The following PDCL2 variants were observed in gnomAD, a reference collection of about 807,000 sequenced individuals.
PDCL2 encodes the protein phosducin-like protein 2.
A neutral mutation model predicts 30.3 loss-of-function variants in PDCL2; 23 were observed. The observed-to-expected ratio is 0.76, with a 90% confidence interval of 0.55 to 1.08. PDCL2 has a LOEUF of 1.08. PDCL2 is among the 50% of genes least tolerant of loss of function. The pLI, the probability that PDCL2 is intolerant of heterozygous loss-of-function variation, is 0.00. For missense variants in PDCL2, 243 were observed against 282.3 expected (o/e 0.86, Z 1.00); for synonymous variants, 68 against 86.2 (o/e 0.79, Z 1.17).
intron 1 of PDCL2, among the ~76,000 whole-genome samples, chr4:55,583,672 C>T (rs1732785706): frequency 6.6e-6 from 1 of 152,172 alleles, no homozygotes; most frequent in African/African-American, 2.4e-5. Flanking sequence ...ATTGAAGAGA[C>T]TGTCCTTTTC....
chr4:55,573,126 C>G (rs561496893), intron 3 of PDCL2, among the ~76,000 whole-genome samples: 13 of 152,116 alleles, frequency 8.5e-5, no homozygotes, highest in Non-Finnish European at 1.6e-4. Context: ...AAATCATATT[C>G]TTTACCTTTA....
chr4:55,583,031 A>G (rs2412661), intron 1 of PDCL2, among the ~76,000 whole-genome samples: 114,754 of 151,934 alleles, frequency 0.76, 43,739 homozygotes, highest in East Asian at 0.9. Context: ...GCTGGAATGC[A>G]GTGGCACAAT....
intron 1 of PDCL2, among the ~76,000 whole-genome samples, chr4:55,584,373 C>T (rs1349197594): frequency 6.6e-6 from 1 of 152,100 alleles, no homozygotes; most frequent in Non-Finnish European, 1.5e-5. Flanking sequence ...TCTCCTGCCT[C>T]AGCCTCCCGA....
At chr4:55,584,514 C>T (rs1732811624) in intron 1 of PDCL2, among the ~76,000 whole-genome samples, 1 of 152,152 alleles carries the variant, frequency 6.6e-6, no homozygotes. Flanking sequence ...ATCTCGGCCT[C>T]TCAAAGTGCT....
intron 4 of PDCL2, among the ~76,000 whole-genome samples, chr4:55,565,987 T>G (rs893372317): frequency 2.9e-5 from 4 of 136,000 alleles, no homozygotes; most frequent in Non-Finnish European, 4.7e-5. Context: ...TTTTTTTTTT[T>G]TTTTTTTTTT....
intron 4 of PDCL2, among the ~76,000 whole-genome samples, chr4:55,565,973 GTTT>G (rs71194595): frequency 3.0e-3 from 225 of 74,458 alleles, no homozygotes; most frequent in African/African-American, 7.8e-3. Flanking sequence ...CCATTTTTCT[GTTT>G]TTTTTTTTTT....
At chr4:55,578,569 T>A (rs958129394) in intron 3 of PDCL2, among the ~76,000 whole-genome samples, 1 of 152,052 alleles carries the variant, frequency 6.6e-6, no homozygotes, top group Admixed American at 6.5e-5. Context: ...TCTGCTATTT[T>A]CCCTGATGTG....
chr4:55,579,640 G>A (rs1474052313), intron 3 of PDCL2, among the ~76,000 whole-genome samples: 2 of 152,164 alleles, frequency 1.3e-5, no homozygotes, highest in Non-Finnish European at 2.9e-5. Flanking sequence ...AGTGCTATAT[G>A]TGCTCATTGC....
Position 55,580,880 on chromosome 4 carries a change from C to T in PDCL2, c.159G>A (p.Gln53=), listed in dbSNP as rs760428496. 11 of 1,610,408 alleles carry T rather than the reference C, an allele frequency of 6.8e-6. No homozygotes were observed. The African/African-American group carries it at 9.4e-5, about 14-fold the overall frequency. ...CAAATTCATCTTCAGCTTCCTTTAG[C>T]TGTGCAAGAGTCATCTTTTCAAATG... ...VKPFEKMTLA[Q]LKEAEDEFDE... is the part of the protein sequence containing the mutation. Residue 53 remains glutamine (Q), a synonymous_variant, in exon 3 of 6, where the codon CAG becomes CAA. Coordinates refer to ENST00000295645, the MANE Select transcript of PDCL2 (RefSeq NM_152401.3).
intron 4 of PDCL2, among the ~76,000 whole-genome samples, chr4:55,569,249 A>G (rs1027275790): frequency 5.9e-5 from 9 of 151,928 alleles, no homozygotes; most frequent in Admixed American, 2.6e-4. Flanking sequence ...TATGTTTTGA[A>G]GGTGCATGCT....
intron 1 of PDCL2, among the ~76,000 whole-genome samples, chr4:55,584,477 G>C (rs1031049184): frequency 7.9e-5 from 12 of 152,002 alleles, no homozygotes; most frequent in Non-Finnish European, 4.4e-5. Flanking sequence ...GGCTGGTCTC[G>C]AACTCCTGGC....
chr4:55,571,414 G>A (rs759560803), intron 3 of PDCL2, among the ~76,000 whole-genome samples: 1 of 151,060 alleles, frequency 6.6e-6, no homozygotes, highest in Non-Finnish European at 1.5e-5. Flanking sequence ...TTAGCTGGGC[G>A]CAGTGGCTCA....
At chr4:55,571,252 A>G (rs924860192) in intron 3 of PDCL2, among the ~76,000 whole-genome samples, 4 of 152,038 alleles carry the variant, frequency 2.6e-5, no homozygotes, top group African/African-American at 9.7e-5. Context: ...CTTCTGATCA[A>G]TTCAGGTGCT....
intron 3 of PDCL2, among the ~76,000 whole-genome samples, chr4:55,575,724 T>G (rs893506797): frequency 6.6e-6 from 1 of 152,146 alleles, no homozygotes; most frequent in African/African-American, 2.4e-5. Flanking sequence ...TATCAGCCAG[T>G]TTCTCAGCAG....
intron 5 of PDCL2, among the ~76,000 whole-genome samples, chr4:55,558,235 C>A (rs1363152471): frequency 6.6e-6 from 1 of 152,044 alleles, no homozygotes; most frequent in Non-Finnish European, 1.5e-5. Flanking sequence ...TGGCTATGTC[C>A]TCACCCTAAT....
In PDCL2 at chr4:55,562,478, A is replaced by C; in HGVS notation, c.497T>G (p.Val166Gly). Reference sequence around the variant, plus strand: ...GGCTTCTATCTGACCATTTTTATACACAAAAATTGTTGGTAAACAATTGTC... The same window carrying C: ...GGCTTCTATCTGACCATTTTTATACCCAAAAATTGTTGGTAAACAATTGTC... ...YHDNCLPTIF[V>G]YKNGQIEAKF... Residue 166 changes from valine (V) to glycine (G), a missense_variant, in exon 5 of 6, where the codon GTG becomes GGG. Coordinates refer to ENST00000295645, the MANE Select transcript of PDCL2 (RefSeq NM_152401.3). 1 of 1,555,316 alleles carries C rather than the reference A, an allele frequency of 6.4e-7. No individual in the cohort carries two copies. Among genetic ancestry groups the C allele is most frequent in the South Asian group, 1.2e-5 (1 of 80,922 alleles).
chr4:55,567,030 C>G (rs1284287911), intron 4 of PDCL2, among the ~76,000 whole-genome samples: 1 of 152,126 alleles, frequency 6.6e-6, no homozygotes, highest in Non-Finnish European at 1.5e-5. Flanking sequence ...ATTCAGTAAA[C>G]CACTTCAGTA....
chr4:55,562,750 AC>A (rs1732167827), intron 4 of PDCL2, 138 bp from the exon 5 acceptor site: 13 of 563,378 alleles, frequency 2.3e-5, no homozygotes, highest in Non-Finnish European at 3.9e-5. Flanking sequence ...CTCTATTGTT[AC>A]CTTTAGCAAT....
chr4:55,577,808 T>A (rs967599040), intron 3 of PDCL2, among the ~76,000 whole-genome samples: 4 of 152,366 alleles, frequency 2.6e-5, no homozygotes, highest in Admixed American at 2.6e-4. Flanking sequence ...CTTTGTCTAG[T>A]AAGTCTGACT....
Sources: allele counts gnomAD v4.1 joint callset (sites outside exome capture counted in the v4.1 genomes callset), GRCh38; gene constraint gnomAD v4.1.1; transcripts MANE v1.5; gene names NCBI Gene and HGNC (gene_info 2026-07-23, HGNC 2026-07-21).